The following ANKRD42 variants were observed in gnomAD, a reference collection of about 807,000 sequenced individuals.
ANKRD42 encodes the protein ankyrin repeat domain 42.
ANKRD42 carries 43 observed loss-of-function variants against 51.5 expected under a neutral mutation model. That is an observed-to-expected ratio of 0.83 (90% CI 0.65 to 1.08). ANKRD42 has a LOEUF of 1.08. ANKRD42 is among the 50% of genes least tolerant of loss of function. ANKRD42 has a pLI of 0.00. For missense variants in ANKRD42, 608 were observed against 629.3 expected, an observed-to-expected ratio of 0.97 and a Z score of 0.36; for synonymous variants, 203 against 213.0, an observed-to-expected ratio of 0.95 and a Z score of 0.41.
intron 5 of ANKRD42, among the ~76,000 whole-genome samples, chr11:83,220,505 G>C (rs776715059): frequency 6.6e-6 from 1 of 152,168 alleles, no homozygotes; most frequent in African/African-American, 2.4e-5. Flanking sequence ...AATTGGTGTG[G>C]TGGCTGACCG....
Position 83,248,816 on chromosome 11 carries a change from T to G in ANKRD42, c.*612T>G. The G allele has an allele frequency of 1.1e-5, 11 of 978,490 alleles. No homozygotes were observed. The highest frequency in any genetic ancestry group is 1.3e-5 in the Non-Finnish European group (11 of 823,566). The allele number at this position is 978,490 out of a possible 1,614,324, so 60.6% of individuals were successfully genotyped here. On this transcript the variant is annotated 3_prime_UTR_variant, in exon 11 of 11. Transcript: ENST00000533342. ...CTCCAGAGGAAGCTATTGTTAACAA[T>G]TTAGTACATACCATATTAGACAAAA...
chr11:83,197,560 G>C (rs2135474380), intron 1 of ANKRD42, among the ~76,000 whole-genome samples: 1 of 152,338 alleles, frequency 6.6e-6, no homozygotes, highest in South Asian at 2.1e-4. Flanking sequence ...AGGTTGCACA[G>C]ATCATTTGCC....
At chr11:83,213,193 A>G in intron 5 of ANKRD42, 1 of 1,595,534 alleles carries the variant, frequency 6.3e-7, no homozygotes, top group Non-Finnish European at 8.5e-7. Context: ...TGGGAGCGAC[A>G]AAAAAAACAA....
At chr11:83,225,345 T>C (rs1862845880) in intron 6 of ANKRD42, among the ~76,000 whole-genome samples, 1 of 152,136 alleles carries the variant, frequency 6.6e-6, no homozygotes, top group African/African-American at 2.4e-5. Context: ...GGTGAGTGGA[T>C]TGCTTGAGCC....
intron 5 of ANKRD42, chr11:83,212,888 C>T: frequency 7.0e-7 from 1 of 1,437,764 alleles, no homozygotes. Flanking sequence ...ATTCTTTTTA[C>T]TTTGTATTTT....
chr11:83,247,851 C>A (rs1863587967), intron 10 of ANKRD42, 92 bp from the exon 11 acceptor site: 3 of 1,086,916 alleles, frequency 2.8e-6, no homozygotes, highest in East Asian at 2.5e-5. Flanking sequence ...GTTTTATTTG[C>A]CTTAAATACA....
chr11:83,206,270 C>T (rs1289448154), intron 3 of ANKRD42, 105 bp downstream of exon 3: 1 of 941,080 alleles, frequency 1.1e-6, no homozygotes, highest in Non-Finnish European at 1.6e-6. Flanking sequence ...GTTTTATGTT[C>T]TAAACAAGAA....
At chr11:83,257,486 T>C (rs556591755), downstream of ANKRD42, 116 of 359,032 alleles carry the variant, frequency 3.2e-4, no homozygotes, top group Non-Finnish European at 5.7e-4. Context: ...GCACTTTGTG[T>C]GAGATTTGTG....
chr11:83,198,456 T>C, intron 1 of ANKRD42, 23 bp from the exon 2 acceptor site: 1 of 1,599,928 alleles, frequency 6.3e-7, no homozygotes, highest in Non-Finnish European at 8.5e-7. Flanking sequence ...TAGTACATTG[T>C]AAGTAATTTG....
rs549524631 is a variant in ANKRD42 at position 83,216,368 on chromosome 11, G to T, written c.586+4938G>T. The stretch of plus-strand genomic sequence containing the variant: ...TGAGACGGAGTCTCGCTGTCGCCCA[G>T]GCTGGAGTGCAGTGGCGCAATCTCG... On this transcript the variant is annotated intron_variant, in intron 5 of 10. Transcript: ENST00000533342. Among the ~76,000 whole-genome samples the T allele has an allele frequency of 1.6e-3, 248 of 150,996 alleles. 4 individuals carry two copies. Among genetic ancestry groups the T allele is most frequent in the African/African-American group, 5.9e-3 (243 of 41,090 alleles).
At chr11:83,226,214 C>T (rs970567409) in intron 6 of ANKRD42, among the ~76,000 whole-genome samples, 292 of 150,598 alleles carry the variant, frequency 1.9e-3, no homozygotes, top group African/African-American at 6.8e-3. Context: ...TACACATACA[C>T]ACACACACAC....
chr11:83,233,347 T>A (rs1467615464), intron 7 of ANKRD42, among the ~76,000 whole-genome samples: 1 of 152,082 alleles, frequency 6.6e-6, no homozygotes, highest in African/African-American at 2.4e-5. Context: ...ATTTATTTCT[T>A]CTAGATTTTC....
At chr11:83,231,667 A>C (rs1863075283) in intron 7 of ANKRD42, among the ~76,000 whole-genome samples, 1 of 152,150 alleles carries the variant, frequency 6.6e-6, no homozygotes, top group Non-Finnish European at 1.5e-5. Flanking sequence ...GTTTTCTTTT[A>C]GTAGTTTCAT....
chr11:83,216,424 A>C (rs1460009133), intron 5 of ANKRD42, among the ~76,000 whole-genome samples: 5 of 151,624 alleles, frequency 3.3e-5, no homozygotes, highest in Non-Finnish European at 7.4e-5. Context: ...CCTGGGGTTC[A>C]CGCCATTCTC....
chr11:83,243,069 T>C (rs996426147), intron 9 of ANKRD42, among the ~76,000 whole-genome samples: 1 of 152,230 alleles, frequency 6.6e-6, no homozygotes, highest in Non-Finnish European at 1.5e-5. Context: ...TCCACAATGG[T>C]TGAACTACTT....
chr11:83,261,220 C>T (rs1863911986), downstream of ANKRD42: 1 of 152,202 alleles, frequency 6.6e-6, no homozygotes, highest in Non-Finnish European at 1.5e-5. Flanking sequence ...GCATGTGCCA[C>T]CATGCCTGGC....
chr11:83,247,971 G>C lies in ANKRD42; in HGVS notation c.1351G>C (p.Glu451Gln), dbSNP rs780757186. The C allele has an allele frequency of 6.2e-7, 1 of 1,613,246 alleles. No individual in the cohort carries two copies. ...KTIKELQGQL[E>Q]YERLRREKLE... ...CATCAAAGAACTGCAGGGCCAGCTG[G>C]AGTATGAACGACTACGTAGAGAAAA... Residue 451 changes from glutamate (E) to glutamine (Q), a missense_variant, in exon 11 of 11, where the codon GAG becomes CAG. Transcript: ENST00000533342.
chr11:83,208,454 A>C (rs1157991414), intron 3 of ANKRD42, among the ~76,000 whole-genome samples: 1 of 152,156 alleles, frequency 6.6e-6, no homozygotes, highest in African/African-American at 2.4e-5. Flanking sequence ...GGAATGAGAT[A>C]ATGAAAACAG....
intron 7 of ANKRD42, among the ~76,000 whole-genome samples, chr11:83,229,827 G>T (rs1000292165): frequency 6.6e-6 from 1 of 152,000 alleles, no homozygotes; most frequent in Non-Finnish European, 1.5e-5. Context: ...GAGCATTGTT[G>T]GGGGACATTT....
Sources: gnomAD v4.1 joint callset for allele counts (sites outside exome capture counted in the v4.1 genomes callset) on GRCh38, gnomAD v4.1.1 for gene constraint, MANE v1.5 for transcripts, NCBI Gene and HGNC (gene_info 2026-07-23, HGNC 2026-07-21) for gene names.